C8orf34: variants seen among roughly 807,000 people sequenced by gnomAD.
C8orf34 encodes uncharacterized protein C8orf34.
In C8orf34, 65 loss-of-function variants were observed where a neutral mutation model predicts 68.3. The observed-to-expected ratio is 0.95, with a 90% CI of 0.78 to 1.17. C8orf34 has a LOEUF of 1.17. Among genes scored for constraint, C8orf34 ranks in the 50% most tolerant of loss-of-function variants. C8orf34 has a pLI of 0.00. For missense variants in C8orf34, 664 were observed against 655.4 expected, an observed-to-expected ratio of 1.01 and a Z score of -0.14; for synonymous variants, 244 against 241.2, an observed-to-expected ratio of 1.01 and a Z score of -0.11.
intron 6 of C8orf34, among the ~76,000 whole-genome samples, chr8:68,525,357 A>G (rs1356082373): frequency 6.6e-6 from 1 of 152,274 alleles, no homozygotes; most frequent in Non-Finnish European, 1.5e-5. Context: ...TCTGCCCAAG[A>G]AATCAAAGAA....
chr8:68,735,671 A>T (rs1312452895), intron 10 of C8orf34, among the ~76,000 whole-genome samples: 1 of 152,162 alleles, frequency 6.6e-6, no homozygotes, highest in East Asian at 1.9e-4. Context: ...AGTGTGTCTA[A>T]CTTGAGAAAG....
intron 12 of C8orf34, among the ~76,000 whole-genome samples, chr8:68,789,189 A>G (rs1255934613): frequency 6.6e-6 from 1 of 152,194 alleles, no homozygotes; most frequent in East Asian, 1.9e-4. Context: ...GTTAAAAAAA[A>G]CCTTCAAGCA....
intron 8 of C8orf34, among the ~76,000 whole-genome samples, chr8:68,671,406 C>G (rs147145841): frequency 1.3e-5 from 2 of 152,048 alleles, no homozygotes; most frequent in Non-Finnish European, 2.9e-5. Context: ...GTTACTGAGA[C>G]GAGAAACAGC....
chr8:68,769,005 G>A (rs189721871), intron 10 of C8orf34, among the ~76,000 whole-genome samples: 3 of 151,336 alleles, frequency 2.0e-5, no homozygotes, highest in African/African-American at 4.8e-5. Context: ...GGTCTTTTTT[G>A]TCTAGATCCT....
chr8:68,776,601 G>C, intron 11 of C8orf34, 152 bp downstream of exon 11: 1 of 567,132 alleles, frequency 1.8e-6, no homozygotes, highest in Non-Finnish European at 3.0e-6. Context: ...TAAATAATAG[G>C]TTAGCAAGAC....
rs560589822 is a variant in C8orf34, at chr8:68,440,047, G to A, written c.475+401G>A. Among the ~76,000 whole-genome samples, 13 of 152,228 alleles carry A rather than the reference G, an allele frequency of 8.5e-5. No individual in the cohort carries two copies. The South Asian group carries it at 2.7e-3, about 32-fold the overall frequency. On this transcript the variant is annotated intron_variant, in intron 2 of 13. Transcript: ENST00000518698. ...TTTCTTGTTGCCCAAACTGATGATT[G>A]TTCTTTATTTCTCCATGCCCCAATT...
At chr8:68,658,584 T>G (rs1005526942) in intron 8 of C8orf34, among the ~76,000 whole-genome samples, 2 of 152,202 alleles carry the variant, frequency 1.3e-5, no homozygotes, top group African/African-American at 4.8e-5. Flanking sequence ...CTTTGAAAAT[T>G]TATTCCCTTC....
In C8orf34 at chr8:68,485,410, T is replaced by TA. The variant is rs1161385732; in HGVS notation, c.737-2603dup. ...AGCCCGAGAGCATGATGCAGGAAGT[T>TA]AAAAAAAAAATTAAGAGATCGGGCC... On this transcript the variant is annotated intron_variant, in intron 4 of 13. Transcript: ENST00000518698. 9.4e-5 allele frequency among the ~76,000 whole-genome samples: 14 copies of TA among 149,628 alleles called. 1 individual carries two copies. The South Asian group carries it at 1.3e-3, about 14-fold the overall frequency.
intron 5 of C8orf34, among the ~76,000 whole-genome samples, chr8:68,511,836 G>T (rs2129633375): frequency 6.6e-6 from 1 of 152,238 alleles, no homozygotes; most frequent in South Asian, 2.1e-4. Flanking sequence ...GCTGTAAATA[G>T]TTCAAAATAA....
intron 13 of C8orf34, among the ~76,000 whole-genome samples, 190 bp downstream of exon 13, chr8:68,816,135 T>TC: frequency 7.6e-6 from 1 of 130,932 alleles, no homozygotes; most frequent in East Asian, 2.3e-4. Context: ...TGTGTGTGTT[T>TC]CTCTGTGTGT....
At chr8:68,553,983 A>G (rs1178869406) in intron 7 of C8orf34, among the ~76,000 whole-genome samples, 1 of 152,174 alleles carries the variant, frequency 6.6e-6, no homozygotes, top group African/African-American at 2.4e-5. Context: ...AAAAAATGAG[A>G]TAGTATAATT....
chr8:68,677,432 C>A (rs994497054), intron 8 of C8orf34, among the ~76,000 whole-genome samples: 6 of 152,072 alleles, frequency 3.9e-5, no homozygotes, highest in Non-Finnish European at 7.4e-5. Context: ...GATATTGGCT[C>A]ATTGCAACCT....
intron 4 of C8orf34, among the ~76,000 whole-genome samples, chr8:68,476,062 C>G (rs954873758): frequency 1.3e-5 from 2 of 152,162 alleles, no homozygotes; most frequent in Non-Finnish European, 2.9e-5. Context: ...CCCAAGAAGT[C>G]TTTTCTGACA....
intron 10 of C8orf34, among the ~76,000 whole-genome samples, chr8:68,740,966 T>C (rs1822272742): frequency 6.6e-6 from 1 of 152,202 alleles, no homozygotes; most frequent in Middle Eastern, 3.4e-3. Flanking sequence ...ATCCTTAGCA[T>C]ACTAATACAG....
At chr8:68,792,744 A>G (rs1824047187) in intron 12 of C8orf34, among the ~76,000 whole-genome samples, 1 of 151,982 alleles carries the variant, frequency 6.6e-6, no homozygotes, top group Non-Finnish European at 1.5e-5. Context: ...AATGTTTTAA[A>G]TATCTCATTA....
intron 4 of C8orf34, among the ~76,000 whole-genome samples, chr8:68,485,809 A>G (rs1225261947): frequency 1.3e-5 from 2 of 151,754 alleles, no homozygotes; most frequent in Non-Finnish European, 2.9e-5. Flanking sequence ...TGAATTATGG[A>G]TTATTTAATT....
chr8:68,464,007 C>T (rs1292127193), intron 3 of C8orf34, among the ~76,000 whole-genome samples: 55 of 152,004 alleles, frequency 3.6e-4, no homozygotes, highest in African/African-American at 1.1e-3. Flanking sequence ...AAATTGTCCC[C>T]ATTTGCAGAT....
chr8:68,352,847 T>G (rs1423726754), intron 1 of C8orf34, among the ~76,000 whole-genome samples: 2 of 152,052 alleles, frequency 1.3e-5, no homozygotes, highest in Non-Finnish European at 2.9e-5. Flanking sequence ...TTGTGAACAA[T>G]AAGTATGTAC....
intron 8 of C8orf34, among the ~76,000 whole-genome samples, chr8:68,703,160 G>A (rs924432247): frequency 2.6e-5 from 4 of 152,034 alleles, no homozygotes; most frequent in East Asian, 3.9e-4. Flanking sequence ...TATTGATCAC[G>A]CACATGTACT....
Sources: gnomAD v4.1 joint callset for allele counts (sites outside exome capture counted in the v4.1 genomes callset) on GRCh38, gnomAD v4.1.1 for gene constraint, MANE v1.5 for transcripts, NCBI Gene and HGNC (gene_info 2026-07-23, HGNC 2026-07-21) for gene names.